Variants in KCNK2 observed in about 807,000 individuals in gnomAD.
KCNK2 encodes the protein potassium channel subfamily K member 2.
Under a neutral mutation model 40.5 loss-of-function variants are expected in KCNK2, and 21 were observed. The ratio of observed to expected loss-of-function variants is 0.52; its 90% CI spans 0.37 to 0.75. The LOEUF (loss-of-function observed/expected upper bound fraction) is 0.75. Among genes scored for constraint, KCNK2 ranks in the 30% least tolerant of loss-of-function variants. KCNK2 has a pLI of 0.00. For synonymous variants in KCNK2, 191 were observed against 202.2 expected (o/e 0.94, Z 0.47); for missense variants, 399 against 531.6 (o/e 0.75, Z 2.45).
chr1:215,166,880 T>C (rs560162434), intron 3 of KCNK2, among the ~76,000 whole-genome samples: 251 of 152,248 alleles, frequency 1.6e-3, no homozygotes, highest in Non-Finnish European at 3.0e-3. Flanking sequence ...GTAGGATTTC[T>C]CTCAAGGAAT....
intron 6 of KCNK2, among the ~76,000 whole-genome samples, chr1:215,231,515 C>G (rs9658803): frequency 0.95 from 144,060 of 152,120 alleles, 68,597 homozygotes; most frequent in Non-Finnish European, 1. Flanking sequence ...TCTATAGGGA[C>G]GATTCCGTGG....
chr1:215,191,557 G>A (rs1664668415), intron 5 of KCNK2, among the ~76,000 whole-genome samples: 1 of 152,044 alleles, frequency 6.6e-6, no homozygotes, highest in African/African-American at 2.4e-5. Flanking sequence ...CAAGCAATAA[G>A]GGCAAGAGAT....
chr1:215,102,651 A>C (rs970118195), intron 2 of KCNK2, among the ~76,000 whole-genome samples: 11 of 152,152 alleles, frequency 7.2e-5, no homozygotes, highest in Admixed American at 6.6e-5. Context: ...TTATTCTCCC[A>C]GAACAACTTT....
At chr1:215,104,987 T>C (rs574626044) in intron 2 of KCNK2, among the ~76,000 whole-genome samples, 2 of 152,260 alleles carry the variant, frequency 1.3e-5, no homozygotes, top group Admixed American at 6.5e-5. Flanking sequence ...AGAGGCTTTG[T>C]AGTATGCCTT....
intron 4 of KCNK2, among the ~76,000 whole-genome samples, chr1:215,169,921 C>T (rs975367009): frequency 1.3e-5 from 2 of 152,180 alleles, no homozygotes. Context: ...GCTGGGATTA[C>T]AGGCTTGAGC....
intron 6 of KCNK2, among the ~76,000 whole-genome samples, chr1:215,197,739 C>T (rs899823920): frequency 4.6e-5 from 7 of 152,158 alleles, no homozygotes; most frequent in African/African-American, 1.7e-4. Context: ...GTTGCTTACG[C>T]CTGTAATCCC....
At chr1:215,036,365 A>G (rs1657384957) in intron 1 of KCNK2, among the ~76,000 whole-genome samples, 2 of 152,022 alleles carry the variant, frequency 1.3e-5, no homozygotes, top group South Asian at 4.1e-4. Context: ...GTAAGTCTCC[A>G]TTTGAACTTC....
chr1:215,074,068 G>A (rs1038036860), intron 1 of KCNK2, among the ~76,000 whole-genome samples: 1 of 152,134 alleles, frequency 6.6e-6, no homozygotes, highest in Non-Finnish European at 1.5e-5. Flanking sequence ...AGGTGACTGA[G>A]GTAATGGTGG....
intron 1 of KCNK2, among the ~76,000 whole-genome samples, chr1:215,017,732 C>T (rs1370557815): frequency 6.6e-6 from 1 of 152,110 alleles, no homozygotes; most frequent in East Asian, 1.9e-4. Context: ...TTTGTGTTCT[C>T]ACCACAAAAC....
intron 1 of KCNK2, among the ~76,000 whole-genome samples, chr1:215,030,807 A>G (rs1431621488): frequency 6.6e-6 from 1 of 151,146 alleles, no homozygotes; most frequent in African/African-American, 2.4e-5. Context: ...TCAGCCTCCC[A>G]AAGTGCTGGG....
chr1:215,164,666 A>G (rs959642903), intron 3 of KCNK2, among the ~76,000 whole-genome samples: 2 of 151,976 alleles, frequency 1.3e-5, no homozygotes, highest in Admixed American at 6.6e-5. Context: ...TCTTAATTTC[A>G]TTATTTATGC....
intron 3 of KCNK2, among the ~76,000 whole-genome samples, chr1:215,162,525 GT>G (rs1465250143): frequency 6.6e-6 from 1 of 152,094 alleles, no homozygotes; most frequent in Non-Finnish European, 1.5e-5. Flanking sequence ...TATTGCCTAG[GT>G]TTTCTTCTAG....
intron 1 of KCNK2, among the ~76,000 whole-genome samples, chr1:215,012,722 T>A (rs999600771): frequency 1.3e-5 from 2 of 151,458 alleles, no homozygotes; most frequent in African/African-American, 4.8e-5. Flanking sequence ...TTATTTTTTT[T>A]AACTGGACAT....
chr1:215,024,388 A>T (rs1330186136), intron 1 of KCNK2, among the ~76,000 whole-genome samples: 1 of 152,220 alleles, frequency 6.6e-6, no homozygotes, highest in African/African-American at 2.4e-5. Flanking sequence ...CCAGTATTGC[A>T]GGAGCCCAGT....
chr1:215,225,973 C>G (rs1406217371), intron 6 of KCNK2, among the ~76,000 whole-genome samples: 1 of 152,166 alleles, frequency 6.6e-6, no homozygotes, highest in Non-Finnish European at 1.5e-5. Context: ...TTTCAAACTT[C>G]TAGAATAGAG....
intron 5 of KCNK2, among the ~76,000 whole-genome samples, chr1:215,177,622 A>G (rs1664030648): frequency 6.6e-6 from 1 of 150,968 alleles, no homozygotes; most frequent in Non-Finnish European, 1.5e-5. Context: ...TCCTTTCCTC[A>G]CTACTAATTT....
intron 2 of KCNK2, among the ~76,000 whole-genome samples, chr1:215,115,911 A>G (rs1002955921): frequency 6.6e-6 from 1 of 151,168 alleles, no homozygotes; most frequent in African/African-American, 2.4e-5. Context: ...CTTGCTTCAC[A>G]TATGTAGACT....
chr1:215,017,799 A>G (rs751232434), intron 1 of KCNK2, among the ~76,000 whole-genome samples: 2 of 152,204 alleles, frequency 1.3e-5, no homozygotes, highest in Non-Finnish European at 2.9e-5. Flanking sequence ...CACAATGTAT[A>G]CATACATCAA....
At chr1:215,176,987 C>T (rs773765630) in intron 5 of KCNK2, among the ~76,000 whole-genome samples, 17 of 152,128 alleles carry the variant, frequency 1.1e-4, no homozygotes, top group Non-Finnish European at 1.9e-4. Flanking sequence ...TCTCCACAGC[C>T]TTGGCAGCAT....
Sources: gnomAD v4.1 joint callset for allele counts (sites outside exome capture counted in the v4.1 genomes callset) on GRCh38, gnomAD v4.1.1 for gene constraint, MANE v1.5 for transcripts, NCBI Gene and HGNC (gene_info 2026-07-23, HGNC 2026-07-21) for gene names.